Variants in STAG1 observed in about 807,000 individuals in gnomAD.
STAG1 encodes the protein cohesin subunit SA-1.
STAG1 carries 26 observed loss-of-function variants against 170.9 expected under a neutral mutation model. That is an observed-to-expected ratio of 0.15 (90% CI 0.11 to 0.21). The LOEUF is 0.21. STAG1 is among the 10% of genes least tolerant of loss of function. The probability of loss-of-function intolerance (pLI) is 1.00; values close to 1 mark genes in which losing one functional copy is unlikely to be tolerated. For synonymous variants in STAG1, 514 were observed against 497.7 expected (o/e 1.03, Z -0.44); for missense variants, 964 against 1,509.5 (o/e 0.64, Z 5.99).
chr3:136,523,034 T>C (rs920676049), intron 6 of STAG1, among the ~76,000 whole-genome samples: 14 of 152,168 alleles, frequency 9.2e-5, no homozygotes, highest in Non-Finnish European at 1.5e-5. Flanking sequence ...AACATACGTG[T>C]GCATAGGTCT....
chr3:136,477,283 A>C lies in STAG1; in HGVS notation c.1026+6T>G. 1 of 1,610,064 alleles carries C rather than the reference A, an allele frequency of 6.2e-7. No individual in the cohort carries two copies. Among genetic ancestry groups the C allele is most frequent in the African/African-American group, 1.3e-5 (1 of 74,888 alleles). On this transcript the variant is annotated splice_donor_region_variant and intron_variant, in intron 10 of 33. Coordinates refer to ENST00000383202, the MANE Select transcript of STAG1 (RefSeq NM_005862.3). ...TTCCATCAAAGCTTAGAACAGAGTA[A>C]CTTACCCTGTCATGAAGAGTCCAGC...
intron 21 of STAG1, among the ~76,000 whole-genome samples, chr3:136,410,662 A>AAAAAGACTTAAATGT (rs2087600224): frequency 1.3e-5 from 2 of 152,240 alleles, no homozygotes; most frequent in Admixed American, 1.3e-4. Context: ...GTAAAGACTT[A>AAAAAGACTTAAATGT]AAAAGACTTA....
At chr3:136,438,028 G>A (rs2088508239) in intron 15 of STAG1, among the ~76,000 whole-genome samples, 1 of 152,144 alleles carries the variant, frequency 6.6e-6, no homozygotes, top group Admixed American at 6.6e-5. Flanking sequence ...TTTAGGATGA[G>A]ATAAGTTCAC....
chr3:136,525,770 T>C (rs1425256985), intron 6 of STAG1, among the ~76,000 whole-genome samples: 2 of 152,346 alleles, frequency 1.3e-5, no homozygotes, highest in South Asian at 2.1e-4. Flanking sequence ...GCTTTAAATG[T>C]GTCCCAGAGA....
intron 9 of STAG1, among the ~76,000 whole-genome samples, chr3:136,480,714 T>A (rs1576513685): frequency 1.6e-5 from 1 of 63,748 alleles, no homozygotes; most frequent in Non-Finnish European, 3.6e-5. Context: ...CCCATGAGCA[T>A]GGAATGTTCT....
At chr3:136,447,084 G>C (rs1253297529) in intron 14 of STAG1, among the ~76,000 whole-genome samples, 1 of 151,862 alleles carries the variant, frequency 6.6e-6, no homozygotes, top group African/African-American at 2.4e-5. Flanking sequence ...GATTACAGGC[G>C]TGAGCCATCG....
chr3:136,611,827 C>T (rs1181523400), intron 3 of STAG1, among the ~76,000 whole-genome samples: 2 of 151,278 alleles, frequency 1.3e-5, no homozygotes, highest in Non-Finnish European at 2.9e-5. Context: ...AACTGTGACC[C>T]GTCACATAAG....
At chr3:136,587,541 CAAAAAAA>C (rs747339467) in intron 4 of STAG1, among the ~76,000 whole-genome samples, 12 of 60,790 alleles carry the variant, frequency 2.0e-4, no homozygotes, top group East Asian at 1.4e-3. Context: ...AACTCCATCT[CAAAAAAA>C]AAAAAAAAAA....
chr3:136,566,022 G>GC (rs780388082), intron 5 of STAG1, among the ~76,000 whole-genome samples: 2 of 152,180 alleles, frequency 1.3e-5, no homozygotes, highest in Non-Finnish European at 2.9e-5. Flanking sequence ...AGTGATGGGG[G>GC]AGAAAAGAAC....
intron 1 of STAG1, among the ~76,000 whole-genome samples, chr3:136,705,291 C>T (rs949978186): frequency 2.6e-5 from 4 of 151,450 alleles, no homozygotes; most frequent in African/African-American, 9.7e-5. Flanking sequence ...TAAGATTTAG[C>T]CCAAGAATGA....
chr3:136,484,784 G>C (rs1376924618), intron 9 of STAG1, among the ~76,000 whole-genome samples: 1 of 151,506 alleles, frequency 6.6e-6, no homozygotes, highest in Non-Finnish European at 1.5e-5. Context: ...CTCCTGGTGC[G>C]CCGTTTTTTA....
intron 4 of STAG1, among the ~76,000 whole-genome samples, chr3:136,588,796 C>T (rs918657176): frequency 6.6e-6 from 1 of 152,006 alleles, no homozygotes; most frequent in African/African-American, 2.4e-5. Flanking sequence ...GGGAGTCTCG[C>T]TCTGTCACCC....
chr3:136,743,195 T>A (rs980107764), intron 1 of STAG1, among the ~76,000 whole-genome samples: 1 of 151,982 alleles, frequency 6.6e-6, no homozygotes, highest in African/African-American at 2.4e-5. Context: ...AGTGAAACCC[T>A]GTCTCTACTA....
chr3:136,633,022 G>A lies in STAG1; in HGVS notation c.-83-2041C>T, dbSNP rs540988334. Among the ~76,000 whole-genome samples, 39 of 152,070 alleles carry A rather than the reference G, an allele frequency of 2.6e-4. No homozygotes were observed. The South Asian group carries it at 4.0e-3, about 15-fold the overall frequency. Reference sequence around the variant, plus strand: ...TTGGCAAAAGTAGTTGGGGGAGGGCGGGGAATCACTAAATAAACAGATGAC... The same window carrying A: ...TTGGCAAAAGTAGTTGGGGGAGGGCAGGGAATCACTAAATAAACAGATGAC... On this transcript the variant is annotated intron_variant, in intron 1 of 33. Coordinates refer to ENST00000383202, the MANE Select transcript of STAG1 (RefSeq NM_005862.3).
intron 9 of STAG1, among the ~76,000 whole-genome samples, chr3:136,496,924 G>A (rs1230303169): frequency 6.6e-6 from 1 of 151,544 alleles, no homozygotes; most frequent in Non-Finnish European, 1.5e-5. Flanking sequence ...GAGAGAGAGA[G>A]GGAGAGAGAG....
chr3:136,679,779 G>C (rs576162037), intron 1 of STAG1, among the ~76,000 whole-genome samples: 103 of 149,254 alleles, frequency 6.9e-4, no homozygotes, highest in African/African-American at 2.3e-3. Context: ...GTGCACGCCT[G>C]TAATTCCAGC....
chr3:136,703,818 T>C (rs904636049), intron 1 of STAG1, among the ~76,000 whole-genome samples: 3 of 151,998 alleles, frequency 2.0e-5, no homozygotes, highest in Admixed American at 6.6e-5. Flanking sequence ...AAGACCAGCC[T>C]GGCCAACATG....
At chr3:136,519,871 T>C (rs1934583915) in intron 7 of STAG1, among the ~76,000 whole-genome samples, 1 of 152,030 alleles carries the variant, frequency 6.6e-6, no homozygotes, top group Non-Finnish European at 1.5e-5. Context: ...TAGGTATTTT[T>C]CAACAAATTA....
intron 1 of STAG1, among the ~76,000 whole-genome samples, chr3:136,673,372 G>C (rs1039645956): frequency 6.6e-6 from 1 of 152,144 alleles, no homozygotes; most frequent in Non-Finnish European, 1.5e-5. Flanking sequence ...AGTATGTACT[G>C]AGCCTAGGAT....
Sources: gnomAD v4.1 joint callset for allele counts (sites outside exome capture counted in the v4.1 genomes callset) on GRCh38, gnomAD v4.1.1 for gene constraint, MANE v1.5 for transcripts, NCBI Gene and HGNC (gene_info 2026-07-23, HGNC 2026-07-21) for gene names.